The following ATP8A2 variants were observed in gnomAD, a reference collection of about 807,000 sequenced individuals.
The protein encoded by ATP8A2 is ATPase phospholipid transporting 8A2.
A neutral mutation model predicts 165.6 loss-of-function variants in ATP8A2; 100 were observed. The ratio of observed to expected loss-of-function variants is 0.60; its 90% CI spans 0.51 to 0.71. ATP8A2 has a LOEUF of 0.71. ATP8A2 is among the 30% of genes least tolerant of loss of function. The pLI is 0.00. For synonymous variants in ATP8A2, 543 were observed against 548.8 expected (o/e 0.99, Z 0.15); for missense variants, 1,227 against 1,479.5 (o/e 0.83, Z 2.80).
chr13:25,498,099 A>T (rs2036737309), intron 2 of ATP8A2, among the ~76,000 whole-genome samples: 1 of 152,170 alleles, frequency 6.6e-6, no homozygotes, highest in Non-Finnish European at 1.5e-5. Context: ...ATGAGTTGAA[A>T]ATTTTGGGCA....
intron 24 of ATP8A2, among the ~76,000 whole-genome samples, chr13:25,606,896 A>G (rs1030225232): frequency 6.6e-6 from 1 of 152,152 alleles, no homozygotes; most frequent in African/African-American, 2.4e-5. Flanking sequence ...TGTACAAGGC[A>G]GCAGAGTGTA....
rs143627206 is a variant in ATP8A2, at chr13:25,924,781, T to C, written c.3184-36794T>C. On this transcript the variant is annotated intron_variant, in intron 33 of 36. Coordinates refer to ENST00000381655, the MANE Select transcript of ATP8A2 (RefSeq NM_016529.6). ...CATGGGAGGACCCGGTGGGAGGTAA[T>C]TGAATCATGGGGGTAGGTTTTTCCC... is the stretch of plus-strand genomic sequence containing the variant. Among the ~76,000 whole-genome samples, 114 of 152,248 alleles carry C rather than the reference T, an allele frequency of 7.5e-4. 3 individuals carry two copies. The East Asian group carries it at 0.02, about 26-fold the overall frequency.
chr13:25,978,334 T>C (rs930968788), intron 35 of ATP8A2, among the ~76,000 whole-genome samples: 9 of 152,202 alleles, frequency 5.9e-5, no homozygotes, highest in African/African-American at 2.2e-4. Context: ...CAGTGAGTTG[T>C]TTGCTTTTCC....
chr13:25,574,786 G>C (rs371202749), intron 18 of ATP8A2, 22 bp from the exon 19 acceptor site: 5 of 1,467,514 alleles, frequency 3.4e-6, no homozygotes, highest in African/African-American at 1.4e-5. Flanking sequence ...CCTCGGTTAA[G>C]AGCCTATTTT....
Position 25,750,547 on chromosome 13 carries a change from A to G in ATP8A2, c.2385-18499A>G, listed in dbSNP as rs1243495575. Among the ~76,000 whole-genome samples the G allele has an allele frequency of 6.6e-6, 1 of 151,956 alleles. No individual in the cohort carries two copies. Among genetic ancestry groups the G allele is most frequent in the Non-Finnish European group, 1.5e-5 (1 of 68,004 alleles). On this transcript the variant is annotated intron_variant, in intron 25 of 36. Coordinates refer to ENST00000381655, the MANE Select transcript of ATP8A2 (RefSeq NM_016529.6). This position sits in a 1 kb window ranked among gnomAD's most constrained non-coding sequence, Gnocchi z 4.3. ...TTCCGAAGGCCGGTGGTTTCAGCCCAGCTTTGGGAGCACCGTAGATACTTT... is the reference window on the plus strand; with the variant it reads ...TTCCGAAGGCCGGTGGTTTCAGCCCGGCTTTGGGAGCACCGTAGATACTTT...
At chr13:25,891,272 A>G (rs1953351227) in intron 33 of ATP8A2, among the ~76,000 whole-genome samples, 1 of 152,182 alleles carries the variant, frequency 6.6e-6, no homozygotes, top group African/African-American at 2.4e-5. Context: ...AAAGTGTGTC[A>G]TATTCAGAAT....
At chr13:25,870,052 T>C (rs1253469726) in intron 33 of ATP8A2, among the ~76,000 whole-genome samples, 1 of 152,082 alleles carries the variant, frequency 6.6e-6, no homozygotes, top group Admixed American at 6.6e-5. Flanking sequence ...TCTCAGCAGA[T>C]GGGGGAGCCA....
intron 25 of ATP8A2, among the ~76,000 whole-genome samples, chr13:25,753,725 G>A (rs534417211): frequency 2.6e-5 from 4 of 152,302 alleles, no homozygotes; most frequent in Admixed American, 6.5e-5. Flanking sequence ...TGACAGCCAT[G>A]TGTTGCTCCC....
At chr13:25,662,105 A>G (rs540411320) in intron 24 of ATP8A2, among the ~76,000 whole-genome samples, 1 of 152,324 alleles carries the variant, frequency 6.6e-6, no homozygotes, top group Non-Finnish European at 1.5e-5. Flanking sequence ...GGACCTTCCC[A>G]TCTGTAAAAT....
chr13:25,494,244 C>T (rs548472746), intron 2 of ATP8A2, among the ~76,000 whole-genome samples: 11 of 152,106 alleles, frequency 7.2e-5, no homozygotes, highest in South Asian at 4.2e-4. Context: ...AATGTACTTC[C>T]GTTTCTTAAT....
chr13:25,815,923 C>G (rs1951006317), intron 27 of ATP8A2, among the ~76,000 whole-genome samples: 1 of 152,244 alleles, frequency 6.6e-6, no homozygotes, highest in African/African-American at 2.4e-5. Flanking sequence ...GAAATATAAG[C>G]TACACAGACA....
chr13:25,728,496 C>T (rs1449345464), intron 25 of ATP8A2, among the ~76,000 whole-genome samples: 1 of 152,042 alleles, frequency 6.6e-6, no homozygotes, highest in Non-Finnish European at 1.5e-5. Context: ...GAGTTGATGC[C>T]GTGAATAAAG....
At chr13:25,471,100 C>T (rs9581350) in intron 2 of ATP8A2, among the ~76,000 whole-genome samples, 1 of 152,084 alleles carries the variant, frequency 6.6e-6, no homozygotes, top group African/African-American at 2.4e-5. Flanking sequence ...TTTCTTTACA[C>T]CTTCTCGCAT....
At chr13:25,863,082 A>G (rs1236827777) in intron 33 of ATP8A2, among the ~76,000 whole-genome samples, 1 of 152,116 alleles carries the variant, frequency 6.6e-6, no homozygotes, top group African/African-American at 2.4e-5. Context: ...ACACCTCCTC[A>G]GTTTACCAAG....
At chr13:25,698,311 T>C (rs1014509152) in intron 24 of ATP8A2, among the ~76,000 whole-genome samples, 14 of 152,120 alleles carry the variant, frequency 9.2e-5, no homozygotes, top group African/African-American at 3.4e-4. Context: ...GCGTCAACTT[T>C]CCAGGATCAA....
intron 25 of ATP8A2, among the ~76,000 whole-genome samples, chr13:25,765,455 T>A (rs2044471527): frequency 6.6e-6 from 1 of 152,200 alleles, no homozygotes; most frequent in Admixed American, 6.5e-5. Flanking sequence ...TATACTAAAA[T>A]ACTGCATATG....
At chr13:25,481,007 C>A (rs2036176388) in intron 2 of ATP8A2, among the ~76,000 whole-genome samples, 1 of 152,124 alleles carries the variant, frequency 6.6e-6, no homozygotes, top group African/African-American at 2.4e-5. Flanking sequence ...AATATGAAAA[C>A]CAGTCAGGCG....
rs1346965738 is a variant in ATP8A2, at chr13:25,553,805, A to T, written c.1070A>T (p.Asp357Val). 10 of 1,613,220 alleles carry T rather than the reference A, an allele frequency of 6.2e-6. No individual in the cohort carries two copies. The highest frequency in any genetic ancestry group is 6.8e-6 in the Non-Finnish European group (8 of 1,179,710). The change falls in exon 12 of 37, where the codon GAT becomes GTT. Residue 357 changes from aspartate to valine, a missense_variant. Physicochemically the swap from Asp to Val is radical, Grantham distance 152. Coordinates refer to ENST00000381655, the MANE Select transcript of ATP8A2 (RefSeq NM_016529.6). ...WYIKKMDTTS[D>V]NFGYNLLTFI... ...TTTCCTTCCACAGACACCACCTCAG[A>T]TAATTTTGGATACAACCTACTGACG...
At chr13:25,508,376 C>T (rs765988127) in intron 2 of ATP8A2, among the ~76,000 whole-genome samples, 4 of 152,172 alleles carry the variant, frequency 2.6e-5, no homozygotes, top group Non-Finnish European at 4.4e-5. Flanking sequence ...GACATATGAA[C>T]ATGGGTCTTT....
Sources: gnomAD v4.1 joint callset for allele counts (sites outside exome capture counted in the v4.1 genomes callset) on GRCh38, gnomAD v4.1.1 for gene constraint, Gnocchi (gnomAD v3.1) non-coding constraint, MANE v1.5 for transcripts, NCBI Gene and HGNC (gene_info 2026-07-23, HGNC 2026-07-21) for gene names.